The following CTNND2 variants were observed in gnomAD, a reference collection of about 807,000 sequenced individuals.
CTNND2 encodes catenin delta 2, also known as catenin delta-2.
Under a neutral mutation model 144.4 loss-of-function variants are expected in CTNND2, and 22 were observed. That is an observed-to-expected ratio of 0.15 (90% CI 0.11 to 0.22). CTNND2 has a LOEUF of 0.22. CTNND2 is among the 10% of genes least tolerant of loss of function. The pLI, the probability that CTNND2 is intolerant of heterozygous loss-of-function variation, is 1.00. For missense variants in CTNND2, 1,353 were observed against 1,618.8 expected (o/e 0.84, Z 2.82); for synonymous variants, 751 against 695.6 (o/e 1.08, Z -1.25).
At position 11,385,007 on chromosome 5, in the gene CTNND2, T is replaced by C; in HGVS notation, c.835A>G (p.Lys279Glu). Residue 279 changes from lysine to glutamate, a missense_variant, in exon 7 of 22, where the codon AAG becomes GAG. Physicochemically the swap from Lys to Glu is moderately conservative, Grantham distance 56. Around this residue, in one of 4 missense-constraint regions of CTNND2, gnomAD observed 708 missense variants for 706.4 expected, o/e 1.00. Transcript: ENST00000304623. ...GGGGCCGAGCCGCCGCGCTGCAGCT[T>C]GGTGGGCGAACCGCCCTGGGGCGCG... ...LAAPQGGSPT[K>E]LQRGGSAPEG... is the part of the protein sequence containing the mutation. 6.7e-7 allele frequency: 1 copy of C among 1,482,462 alleles called. No homozygotes were observed. Among genetic ancestry groups the C allele is most frequent in the Non-Finnish European group, 8.9e-7 (1 of 1,124,352 alleles). The allele number at this position is 1,482,462 out of a possible 1,614,324, so 91.8% of individuals were successfully genotyped here. A position where few individuals can be genotyped will look rare whatever the true frequency, so the allele number is the denominator to read the frequency against.
At chr5:11,580,247 T>C (rs1468750611) in intron 2 of CTNND2, among the ~76,000 whole-genome samples, 4 of 152,052 alleles carry the variant, frequency 2.6e-5, no homozygotes, top group Admixed American at 1.3e-4. Flanking sequence ...GATGGGGAAA[T>C]AGAGAGATAG....
At chr5:11,251,008 T>C (rs1743586777) in intron 9 of CTNND2, among the ~76,000 whole-genome samples, 1 of 152,194 alleles carries the variant, frequency 6.6e-6, no homozygotes, top group Non-Finnish European at 1.5e-5. Context: ...TCTATTTCCA[T>C]AGCAGCAAAC....
At chr5:11,899,736 A>G (rs759041707) in intron 1 of CTNND2, among the ~76,000 whole-genome samples, 24 of 152,286 alleles carry the variant, frequency 1.6e-4, no homozygotes, top group Non-Finnish European at 2.5e-4. Flanking sequence ...TTTATCCTCA[A>G]AGAAATCTTT....
intron 15 of CTNND2, among the ~76,000 whole-genome samples, chr5:11,086,564 CA>C (rs1360586751): frequency 6.6e-6 from 1 of 152,156 alleles, no homozygotes; most frequent in African/African-American, 2.4e-5. Flanking sequence ...TTGTTGGCAT[CA>C]GGCAAATGAG....
At chr5:11,289,808 C>T (rs1748132098) in intron 9 of CTNND2, among the ~76,000 whole-genome samples, 1 of 152,194 alleles carries the variant, frequency 6.6e-6, no homozygotes, top group African/African-American at 2.4e-5. Flanking sequence ...CCTGTGGCTC[C>T]AGTTCCTCAC....
chr5:11,669,052 G>A (rs552385809), intron 2 of CTNND2, among the ~76,000 whole-genome samples: 40 of 152,236 alleles, frequency 2.6e-4, no homozygotes, highest in African/African-American at 6.3e-4. Context: ...TTCTGTTTAC[G>A]TGATGGATTA....
intron 3 of CTNND2, among the ~76,000 whole-genome samples, chr5:11,486,509 C>A (rs1581311910): frequency 1.3e-5 from 2 of 151,966 alleles, no homozygotes; most frequent in South Asian, 2.1e-4. Context: ...TTTTTCCCCC[C>A]AAATTCCTTA....
intron 1 of CTNND2, among the ~76,000 whole-genome samples, chr5:11,846,218 G>C (rs1278208458): frequency 1.3e-5 from 2 of 152,062 alleles, no homozygotes; most frequent in Non-Finnish European, 2.9e-5. Context: ...AATAAAAACA[G>C]AAATATTAAT....
chr5:11,088,105 T>C (rs1750368231), intron 15 of CTNND2, among the ~76,000 whole-genome samples: 1 of 152,242 alleles, frequency 6.6e-6, no homozygotes, highest in South Asian at 2.1e-4. Flanking sequence ...ACTGTGGATG[T>C]AATCAAATAT....
chr5:11,258,839 A>G (rs185171079), intron 9 of CTNND2, among the ~76,000 whole-genome samples: 32 of 152,318 alleles, frequency 2.1e-4, no homozygotes, highest in Admixed American at 3.3e-4. Context: ...TACATTCTCC[A>G]TATCTTTTTT....
intron 18 of CTNND2, among the ~76,000 whole-genome samples, chr5:10,998,510 T>A (rs908511691): frequency 6.6e-6 from 1 of 152,178 alleles, no homozygotes; most frequent in Admixed American, 6.5e-5. Context: ...CTTCTCCATC[T>A]CCCCTCTCTC....
chr5:11,097,127 C>T lies in CTNND2; in HGVS notation c.2637+1448G>A, dbSNP rs143031750. ...GACACATCTGAGACACAGTGATATGCTGTAGTTTGCCCAGGCTCACCATGC... is the reference window on the plus strand; with the variant it reads ...GACACATCTGAGACACAGTGATATGTTGTAGTTTGCCCAGGCTCACCATGC... On this transcript the variant is annotated intron_variant, in intron 15 of 21. Coordinates refer to ENST00000304623, the MANE Select transcript of CTNND2 (RefSeq NM_001332.4). Among the ~76,000 whole-genome samples, 247 of 152,308 alleles carry T rather than the reference C, an allele frequency of 1.6e-3. 3 individuals carry two copies. Among genetic ancestry groups the T allele is most frequent in the Admixed American group, 0.014 (212 of 15,302 alleles).
chr5:11,679,639 C>T (rs540393599), intron 2 of CTNND2, among the ~76,000 whole-genome samples: 1 of 152,296 alleles, frequency 6.6e-6, no homozygotes, highest in South Asian at 2.1e-4. Flanking sequence ...TTGGTGGTCC[C>T]TGTCTTTCCC....
At chr5:11,262,785 A>AAAAAAAAAAAAAAAAAAG (rs1745034742) in intron 9 of CTNND2, among the ~76,000 whole-genome samples, 1 of 147,964 alleles carries the variant, frequency 6.8e-6, no homozygotes, top group Non-Finnish European at 1.5e-5. Context: ...AAAAAAAAAA[A>AAAAAAAAAAAAAAAAAAG]AAAGAAAGAA....
At chr5:11,741,344 T>C (rs750015183) in intron 1 of CTNND2, among the ~76,000 whole-genome samples, 1 of 152,076 alleles carries the variant, frequency 6.6e-6, no homozygotes, top group Non-Finnish European at 1.5e-5. Context: ...ATAGACTGGA[T>C]TAAGAAAATG....
intron 1 of CTNND2, among the ~76,000 whole-genome samples, chr5:11,762,521 T>A (rs190671173): frequency 1.1e-3 from 165 of 152,326 alleles, no homozygotes; most frequent in Middle Eastern, 0.01. Context: ...AAAGAATTAT[T>A]TTGAAAAGTA....
rs549944397 is a variant in CTNND2 at position 11,514,666 on chromosome 5, A to G, written c.287+50278T>C. Among the ~76,000 whole-genome samples the G allele has an allele frequency of 5.3e-4, 80 of 152,238 alleles. 1 individual carries two copies. The highest frequency in any genetic ancestry group is 7.6e-4 in the Non-Finnish European group (52 of 68,048). ...GAATGTGTAGTGACAGTTGACACAC[A>G]GGAGGTGTCATTTTAGGCATCTGCA... is the stretch of plus-strand genomic sequence containing the variant. On this transcript the variant is annotated intron_variant, in intron 3 of 21. Coordinates refer to ENST00000304623, the MANE Select transcript of CTNND2 (RefSeq NM_001332.4).
chr5:11,472,135 C>G (rs947940500), intron 3 of CTNND2, among the ~76,000 whole-genome samples: 1 of 152,092 alleles, frequency 6.6e-6, no homozygotes, highest in Non-Finnish European at 1.5e-5. Flanking sequence ...ACTTGTTCAT[C>G]CTATTTTTTA....
chr5:11,879,364 C>CATAT (rs1735849596), intron 1 of CTNND2, among the ~76,000 whole-genome samples: 1 of 58,208 alleles, frequency 1.7e-5, no homozygotes. Flanking sequence ...TATACATATA[C>CATAT]ACACACACAC....
Sources: gnomAD v4.1 joint callset for allele counts (sites outside exome capture counted in the v4.1 genomes callset) on GRCh38, gnomAD v4.1.1 for gene constraint, gnomAD v4.1.1 regional missense constraint, MANE v1.5 for transcripts, NCBI Gene and HGNC (gene_info 2026-07-23, HGNC 2026-07-21) for gene names.